The following AMN1 variants were observed in gnomAD, a reference collection of about 807,000 sequenced individuals.
The protein encoded by AMN1 is antagonist of mitotic exit network 1 homolog, also known as protein AMN1 homolog.
In AMN1, 20 loss-of-function variants were observed where a neutral mutation model predicts 33.0. The observed-to-expected ratio is 0.61, with a 90% CI of 0.43 to 0.88. The LOEUF (loss-of-function observed/expected upper bound fraction) is 0.88. Among genes scored for constraint, AMN1 ranks in the 40% least tolerant of loss-of-function variants. The pLI is 0.00. For synonymous variants in AMN1, 114 were observed against 111.9 expected (o/e 1.02, Z -0.12); for missense variants, 246 against 307.4 (o/e 0.80, Z 1.49).
intron 2 of AMN1, among the ~76,000 whole-genome samples, chr12:31,704,645 A>G (rs1372385546): frequency 6.6e-6 from 1 of 152,206 alleles, no homozygotes; most frequent in African/African-American, 2.4e-5. Context: ...AAATACTTCA[A>G]AAACAGCCAT....
chr12:31,718,495 G>A (rs1201306175), intron 1 of AMN1, among the ~76,000 whole-genome samples: 2 of 152,008 alleles, frequency 1.3e-5, no homozygotes, highest in Non-Finnish European at 1.5e-5. Flanking sequence ...TAGGCATTCT[G>A]GTTTTTGGAA....
chr12:31,719,093 T>C (rs1939788840), intron 1 of AMN1: 1 of 152,314 alleles, frequency 6.6e-6, no homozygotes, highest in African/African-American at 2.4e-5. Flanking sequence ...GAGCTTCCCT[T>C]GACTAGGAAA....
At chr12:31,675,573 G>A (rs1427298295) in intron 6 of AMN1, among the ~76,000 whole-genome samples, 1 of 150,036 alleles carries the variant, frequency 6.7e-6, no homozygotes, top group Non-Finnish European at 1.5e-5. Context: ...TTGGCTCACT[G>A]CAACCCTGGC....
At chr12:31,724,053 A>G (rs1939972876) in intron 1 of AMN1, among the ~76,000 whole-genome samples, 1 of 152,196 alleles carries the variant, frequency 6.6e-6, no homozygotes, top group African/African-American at 2.4e-5. Flanking sequence ...CCCTTTATCC[A>G]TGGGAAAAAC....
chr12:31,723,849 C>T (rs1029499975), intron 1 of AMN1, among the ~76,000 whole-genome samples: 1 of 152,160 alleles, frequency 6.6e-6, no homozygotes, highest in Non-Finnish European at 1.5e-5. Context: ...AGATAACTAC[C>T]ACTTGGTTGA....
rs34860207 is a variant in AMN1 at position 31,699,395 on chromosome 12, C to CAAAAAAA, written c.317-1445_317-1439dup. ...TGGGCAATATGGTGAGACTCTGTCT[C>CAAAAAAA]AAAAAAAAAAAAAAAAAAAAAAAAA... On this transcript the variant is annotated intron_variant, in intron 3 of 6. Transcript: ENST00000281471. Among the ~76,000 whole-genome samples, 152 of 36,784 alleles carry CAAAAAAA rather than the reference C, an allele frequency of 4.1e-3. 12 individuals are homozygous for CAAAAAAA. Among genetic ancestry groups the CAAAAAAA allele is most frequent in the East Asian group, 0.033 (34 of 1,018 alleles). 24.1% of individuals were successfully genotyped at this position (36,784 alleles called of 152,430 possible).
At chr12:31,713,983 T>C (rs1939572708) in intron 1 of AMN1, among the ~76,000 whole-genome samples, 1 of 152,162 alleles carries the variant, frequency 6.6e-6, no homozygotes, top group Admixed American at 6.5e-5. Flanking sequence ...CATTATTTAA[T>C]TATACTTTTA....
At chr12:31,686,657 A>G (rs974470211) in intron 6 of AMN1, among the ~76,000 whole-genome samples, 3 of 152,324 alleles carry the variant, frequency 2.0e-5, no homozygotes, top group Non-Finnish European at 4.4e-5. Context: ...ATTTTCCGAC[A>G]CAAAGCCTAT....
intron 1 of AMN1, among the ~76,000 whole-genome samples, chr12:31,721,751 A>G (rs1057057531): frequency 7.9e-5 from 12 of 152,236 alleles, no homozygotes; most frequent in African/African-American, 2.9e-4. Context: ...AAACTAGCGG[A>G]TTACAGACAC....
chr12:31,675,627 T>C (rs1017149301), intron 6 of AMN1, among the ~76,000 whole-genome samples: 1 of 151,456 alleles, frequency 6.6e-6, no homozygotes, highest in Non-Finnish European at 1.5e-5. Flanking sequence ...CCCGAGTAGC[T>C]GGGATTACAG....
chr12:31,716,753 T>C (rs1349971862), intron 1 of AMN1, among the ~76,000 whole-genome samples: 1 of 152,212 alleles, frequency 6.6e-6, no homozygotes, highest in Non-Finnish European at 1.5e-5. Context: ...CTGTTTGTTA[T>C]ATACGTTGCA....
At chr12:31,690,163 TG>T (rs1352090997) in intron 5 of AMN1, among the ~76,000 whole-genome samples, 1 of 152,256 alleles carries the variant, frequency 6.6e-6, no homozygotes, top group African/African-American at 2.4e-5. Flanking sequence ...CGTTGATTGA[TG>T]GGCATTTGCA....
chr12:31,725,105 G>A (rs1202712074), intron 1 of AMN1, among the ~76,000 whole-genome samples: 1 of 152,190 alleles, frequency 6.6e-6, no homozygotes, highest in Admixed American at 6.5e-5. Flanking sequence ...TGGCGAATGG[G>A]TAAGGATTAG....
chr12:31,688,819 T>TTAAAATAAAA (rs57472294), intron 6 of AMN1, among the ~76,000 whole-genome samples, 188 bp downstream of exon 6: 12 of 151,200 alleles, frequency 7.9e-5, no homozygotes, highest in East Asian at 3.9e-4. Context: ...TCCCAAAAAA[T>TTAAAATAAAA]TAAAATAAAA....
intron 1 of AMN1, chr12:31,714,996 T>C (rs1335385533): frequency 1.4e-6 from 1 of 722,770 alleles, no homozygotes. Flanking sequence ...TGAACAAATA[T>C]TCCGTATCAA....
chr12:31,721,233 C>T (rs536667398), intron 1 of AMN1, among the ~76,000 whole-genome samples: 27 of 152,222 alleles, frequency 1.8e-4, no homozygotes, highest in African/African-American at 6.0e-4. Flanking sequence ...TAAAATGTAG[C>T]GGTTTCCACT....
At chr12:31,703,777 C>T (rs1419359347) in intron 2 of AMN1, among the ~76,000 whole-genome samples, 1 of 152,122 alleles carries the variant, frequency 6.6e-6, no homozygotes, top group Non-Finnish European at 1.5e-5. Context: ...AGTATCATAA[C>T]TTATTAAATG....
At chr12:31,674,666 A>T (rs1396013801) in intron 6 of AMN1, among the ~76,000 whole-genome samples, 1 of 152,078 alleles carries the variant, frequency 6.6e-6, no homozygotes, top group Non-Finnish European at 1.5e-5. Flanking sequence ...TCAGCTTACC[A>T]CCTACACCAT....
At chr12:31,698,033 A>G (rs1938813181) in intron 3 of AMN1, 76 bp from the exon 4 acceptor site, 1 of 1,415,996 alleles carries the variant, frequency 7.1e-7, no homozygotes, top group African/African-American at 1.4e-5. Flanking sequence ...ACTGATTTTC[A>G]TTTTAGCAAT....
Sources: gnomAD v4.1 joint callset for allele counts (sites outside exome capture counted in the v4.1 genomes callset) on GRCh38, gnomAD v4.1.1 for gene constraint, MANE v1.5 for transcripts, NCBI Gene and HGNC (gene_info 2026-07-23, HGNC 2026-07-21) for gene names.